Variants in BMP5 observed in about 807,000 individuals in gnomAD.
BMP5 encodes the protein bone morphogenetic protein 5.
In BMP5, 23 loss-of-function variants were observed where a neutral mutation model predicts 46.6. That is an observed-to-expected ratio of 0.49 (90% CI 0.35 to 0.70). The LOEUF is 0.70. Among genes scored for constraint, BMP5 ranks in the 30% least tolerant of loss-of-function variants. BMP5 has a pLI of 0.00. For synonymous variants in BMP5, 204 were observed against 191.9 expected (o/e 1.06, Z -0.52); for missense variants, 545 against 565.6 (o/e 0.96, Z 0.37).
rs755269923 is a variant in BMP5 at position 55,819,805 on chromosome 6, T to C, written c.533A>G (p.Lys178Arg). 9.9e-6 allele frequency: 16 copies of C among 1,613,896 alleles called. No homozygotes were observed. The highest frequency in any genetic ancestry group is 2.2e-5 in the East Asian group (1 of 44,836). The change falls in exon 2 of 7, where the codon AAA becomes AGA. Residue 178 changes from lysine to arginine, a missense_variant. By Grantham distance (26) the Lys-to-Arg change is conservative. Transcript: ENST00000370830. ...TTGGGTAAGATCAAATCGAAATTCT[T>C]TGTAATGCCTTCGCTGGTGAGAAAA... ...KDFSHQRRHY[K>R]EFRFDLTQIP...
intron 1 of BMP5, among the ~76,000 whole-genome samples, chr6:55,824,792 C>T (rs1003374422): frequency 6.6e-6 from 1 of 151,958 alleles, no homozygotes; most frequent in Non-Finnish European, 1.5e-5. Flanking sequence ...CAAATTCTTA[C>T]ATGTGCTGAC....
rs1001721411 is a variant in BMP5, at chr6:55,806,535, A to C, written c.684-12108T>G. Among the ~76,000 whole-genome samples, 9 of 152,126 alleles carry C rather than the reference A, an allele frequency of 5.9e-5. 1 individual carries two copies. Among genetic ancestry groups the C allele is most frequent in the African/African-American group, 2.2e-4 (9 of 41,534 alleles). On this transcript the variant is annotated intron_variant, in intron 2 of 6. Transcript: ENST00000370830. The stretch of plus-strand genomic sequence containing the variant: ...CCAGCTTTGTTCTTTTTGCTTAGGA[A>C]TGTCTTGGCTCTACAGACTCCTTTT...
intron 3 of BMP5, among the ~76,000 whole-genome samples, chr6:55,787,906 T>C (rs1477841705): frequency 6.6e-6 from 1 of 151,660 alleles, no homozygotes; most frequent in African/African-American, 2.4e-5. Context: ...CCCAGCATTT[T>C]TTGGGAAATA....
chr6:55,771,943 T>C (rs1248770622), intron 4 of BMP5, among the ~76,000 whole-genome samples: 1 of 151,920 alleles, frequency 6.6e-6, no homozygotes, highest in Non-Finnish European at 1.5e-5. Context: ...TTTCTGTTTA[T>C]ATTAGCATTC....
At chr6:55,831,466 G>T (rs943330247) in intron 1 of BMP5, among the ~76,000 whole-genome samples, 8 of 151,960 alleles carry the variant, frequency 5.3e-5, no homozygotes, top group Admixed American at 1.3e-4. Flanking sequence ...AGAAATTATT[G>T]CATCCATGGA....
intron 1 of BMP5, among the ~76,000 whole-genome samples, chr6:55,862,107 C>T (rs1260820814): frequency 6.6e-6 from 1 of 152,264 alleles, no homozygotes; most frequent in Non-Finnish European, 1.5e-5. Context: ...AAGGTCTTAA[C>T]TTCTTCCACT....
intron 4 of BMP5, among the ~76,000 whole-genome samples, chr6:55,770,010 G>A (rs1040098843): frequency 6.6e-6 from 1 of 151,914 alleles, no homozygotes; most frequent in Admixed American, 6.6e-5. Context: ...AGCCCAGGAA[G>A]AGTAGATTAA....
chr6:55,780,780 G>T (rs228151), intron 3 of BMP5, among the ~76,000 whole-genome samples: 1 of 151,836 alleles, frequency 6.6e-6, no homozygotes, highest in Non-Finnish European at 1.5e-5. Flanking sequence ...GCTCATGAGG[G>T]TCCAGGAAGT....
intron 1 of BMP5, among the ~76,000 whole-genome samples, chr6:55,868,164 A>G (rs1282480856): frequency 1.3e-5 from 2 of 152,182 alleles, no homozygotes; most frequent in African/African-American, 4.8e-5. Flanking sequence ...TGATTTAGAC[A>G]TGTGTTATAG....
At chr6:55,807,702 G>T (rs188450671) in intron 2 of BMP5, among the ~76,000 whole-genome samples, 2 of 151,670 alleles carry the variant, frequency 1.3e-5, no homozygotes, top group African/African-American at 2.4e-5. Flanking sequence ...GTTTTTTTTC[G>T]GTTGGTAGGC....
At chr6:55,802,150 T>G (rs777937549) in intron 2 of BMP5, among the ~76,000 whole-genome samples, 1 of 152,204 alleles carries the variant, frequency 6.6e-6, no homozygotes, top group Admixed American at 6.5e-5. Context: ...GCAAAATCTG[T>G]GCTTCTGACT....
chr6:55,757,105 ATT>A (rs1238318582), intron 6 of BMP5, among the ~76,000 whole-genome samples: 8 of 151,830 alleles, frequency 5.3e-5, no homozygotes, highest in Admixed American at 3.9e-4. Context: ...TTTTTTTTAT[ATT>A]TGTTTTTTGA....
chr6:55,824,513 T>C (rs1776484852), intron 1 of BMP5, among the ~76,000 whole-genome samples: 1 of 151,828 alleles, frequency 6.6e-6, no homozygotes, highest in African/African-American at 2.4e-5. Context: ...AATTACCATA[T>C]AAAAACAAAT....
chr6:55,763,153 T>C (rs1774827482), intron 4 of BMP5, among the ~76,000 whole-genome samples: 1 of 152,160 alleles, frequency 6.6e-6, no homozygotes, highest in African/African-American at 2.4e-5. Context: ...TTCATCTTTG[T>C]CTTAATTAAA....
chr6:55,841,596 G>A (rs933728878), intron 1 of BMP5, among the ~76,000 whole-genome samples: 1 of 137,046 alleles, frequency 7.3e-6, no homozygotes, highest in African/African-American at 2.8e-5. Flanking sequence ...CAGGTCTGGT[G>A]GTGGTGTTTG....
intron 1 of BMP5, among the ~76,000 whole-genome samples, chr6:55,852,874 G>A (rs962197631): frequency 2.0e-5 from 3 of 152,104 alleles, no homozygotes; most frequent in African/African-American, 7.2e-5. Flanking sequence ...GCTCACGCCT[G>A]TAATTGCAGC....
At chr6:55,834,295 G>A (rs571981311) in intron 1 of BMP5, among the ~76,000 whole-genome samples, 191 of 152,054 alleles carry the variant, frequency 1.3e-3, no homozygotes, top group African/African-American at 4.2e-3. Context: ...TCCTTTCCTC[G>A]CTCCTTTAAT....
At chr6:55,848,090 C>T (rs1777142644) in intron 1 of BMP5, among the ~76,000 whole-genome samples, 1 of 151,948 alleles carries the variant, frequency 6.6e-6, no homozygotes, top group Non-Finnish European at 1.5e-5. Flanking sequence ...TACATTTAGA[C>T]TTCCCTGTGT....
chr6:55,811,993 C>A (rs767782065), intron 2 of BMP5, among the ~76,000 whole-genome samples: 1 of 152,164 alleles, frequency 6.6e-6, no homozygotes, highest in Non-Finnish European at 1.5e-5. Context: ...CCTATTTACT[C>A]GGCCTTATGT....
Sources: gnomAD v4.1 joint callset for allele counts (sites outside exome capture counted in the v4.1 genomes callset) on GRCh38, gnomAD v4.1.1 for gene constraint, MANE v1.5 for transcripts, NCBI Gene and HGNC (gene_info 2026-07-23, HGNC 2026-07-21) for gene names.